The following UBR2 variants were observed in gnomAD, a reference collection of about 807,000 sequenced individuals.
UBR2 encodes ubiquitin protein ligase E3 component n-recognin 2, also known as E3 ubiquitin-protein ligase UBR2.
A neutral mutation model predicts 247.9 loss-of-function variants in UBR2; 92 were observed. The ratio of observed to expected loss-of-function variants is 0.37; its 90% CI spans 0.31 to 0.44. The LOEUF (loss-of-function observed/expected upper bound fraction) is 0.44. Among genes scored for constraint, UBR2 ranks in the 20% least tolerant of loss-of-function variants. The pLI is 1.00. For synonymous variants in UBR2, 672 were observed against 693.5 expected, an observed-to-expected ratio of 0.97 and a Z score of 0.49; for missense variants, 1,613 against 2,112.6, an observed-to-expected ratio of 0.76 and a Z score of 4.64.
chr6:42,660,131 A>G (rs1200068657), intron 30 of UBR2, among the ~76,000 whole-genome samples: 1 of 152,172 alleles, frequency 6.6e-6, no homozygotes, highest in Non-Finnish European at 1.5e-5. Context: ...AGTCTTTTCC[A>G]TCCTTCAGTA....
chr6:42,575,778 C>T (rs925503028), intron 2 of UBR2, among the ~76,000 whole-genome samples: 1 of 152,166 alleles, frequency 6.6e-6, no homozygotes, highest in Non-Finnish European at 1.5e-5. Flanking sequence ...GTCTGCAAGA[C>T]TTCTCCACTG....
intron 15 of UBR2, 45 bp downstream of exon 15, chr6:42,637,239 A>G: frequency 6.4e-7 from 1 of 1,574,056 alleles, no homozygotes; most frequent in Non-Finnish European, 8.7e-7. Flanking sequence ...TATCTTTTAA[A>G]TTGTTGTTTG....
intron 4 of UBR2, among the ~76,000 whole-genome samples, chr6:42,600,625 CA>C (rs71680032): frequency 0.37 from 39,147 of 105,796 alleles, 5,406 homozygotes; most frequent in Middle Eastern, 0.46. Flanking sequence ...GTTACTGTAG[CA>C]AAAAAAAAAA....
At chr6:42,644,673 CTT>C (rs1232660384) in intron 20 of UBR2, 137 bp downstream of exon 20, 14 of 684,056 alleles carry the variant, frequency 2.0e-5, no homozygotes, top group African/African-American at 1.8e-4. Context: ...GAATATTTCT[CTT>C]TTTCTCCCCT....
intron 2 of UBR2, among the ~76,000 whole-genome samples, chr6:42,581,899 C>T (rs1161807212): frequency 6.6e-6 from 1 of 152,130 alleles, no homozygotes; most frequent in African/African-American, 2.4e-5. Context: ...AAATATTAGG[C>T]ATTGTTATTC....
chr6:42,606,798 T>C (rs1174317107), intron 7 of UBR2, 147 bp downstream of exon 7: 3 of 634,144 alleles, frequency 4.7e-6, no homozygotes, highest in African/African-American at 1.9e-5. Flanking sequence ...TATTGCATTA[T>C]TGTTTTATCT....
Position 42,659,745 on chromosome 6 carries a change from G to A in UBR2, c.3332G>A (p.Cys1111Tyr). ...AGACAATTCGTTACATGTATATTGT[G>A]TCAAGAGGAGCAAGAAGTTAAAGTG... is the stretch of plus-strand genomic sequence containing the variant. ...EQRQFVTCILCQEEQEVKVES... is the reference protein window; with the variant it reads ...EQRQFVTCILYQEEQEVKVES... The change falls in exon 30 of 47, where the codon TGT becomes TAT. Residue 1111 changes from cysteine to tyrosine, a missense_variant. Cys to Tyr is a radical substitution (Grantham distance 194, BLOSUM62 -2). This residue lies in a region of UBR2 where 1,524 missense variants were observed against 1,967.3 expected (regional missense o/e 0.77). Coordinates refer to ENST00000372901, the MANE Select transcript of UBR2 (RefSeq NM_001363705.2). This position sits in a 1 kb window ranked among gnomAD's most constrained non-coding sequence, Gnocchi z 4.3. 2 of 1,614,142 alleles carry A rather than the reference G, an allele frequency of 1.2e-6. No homozygotes were observed. Among genetic ancestry groups the A allele is most frequent in the Non-Finnish European group, 1.7e-6 (2 of 1,180,024 alleles).
intron 1 of UBR2, among the ~76,000 whole-genome samples, chr6:42,566,507 C>T (rs772699660): frequency 2.6e-5 from 4 of 152,196 alleles, no homozygotes; most frequent in South Asian, 2.1e-4. Flanking sequence ...GCCTCAGCCT[C>T]CCGAATTACA....
At chr6:42,593,746 A>G (rs1256769046) in intron 3 of UBR2, among the ~76,000 whole-genome samples, 4 of 152,192 alleles carry the variant, frequency 2.6e-5, no homozygotes, top group South Asian at 2.1e-4. Context: ...AACTATTTCT[A>G]TAGTCTTTGT....
At chr6:42,596,770 C>T (rs1238323539) in intron 4 of UBR2, among the ~76,000 whole-genome samples, 1 of 152,054 alleles carries the variant, frequency 6.6e-6, no homozygotes, top group Non-Finnish European at 1.5e-5. Context: ...ATGAAATATT[C>T]AGAATAGGTA....
In UBR2 at chr6:42,636,640, G is replaced by A. The variant is rs79558789; in HGVS notation, c.1675-371G>A. 3.0e-3 allele frequency among the ~76,000 whole-genome samples: 451 copies of A among 152,224 alleles called. 2 individuals carry two copies. The highest frequency in any genetic ancestry group is 0.01 in the African/African-American group (430 of 41,544). Reference sequence around the variant, plus strand: ...TCTGTATGGAGAATGGATGAAGGGGGCAAGAGTCAAAGCAGGAATTTAATA... The same window carrying A: ...TCTGTATGGAGAATGGATGAAGGGGACAAGAGTCAAAGCAGGAATTTAATA... On this transcript the variant is annotated intron_variant, in intron 14 of 46. Transcript: ENST00000372901.
intron 13 of UBR2, among the ~76,000 whole-genome samples, chr6:42,633,718 T>TTTTTG (rs70990117): frequency 0.24 from 35,330 of 148,660 alleles, 4,672 homozygotes; most frequent in East Asian, 0.45. Flanking sequence ...TTTTGTTTGT[T>TTTTTG]TTTTGTTTTG....
chr6:42,647,446 A>T (rs2151963291), intron 21 of UBR2, among the ~76,000 whole-genome samples: 1 of 132,636 alleles, frequency 7.5e-6, no homozygotes, highest in South Asian at 2.5e-4. Context: ...AAAAAAAAAA[A>T]TTAGCCAGGT....
In UBR2 at chr6:42,658,765, A is replaced by G. The variant is rs766635019; in HGVS notation, c.3183A>G (p.Lys1061=). Residue 1061 remains lysine (K), a synonymous_variant, in exon 29 of 47, where the codon AAA becomes AAG. Coordinates refer to ENST00000372901, the MANE Select transcript of UBR2 (RefSeq NM_001363705.2). The part of the protein sequence containing the change: ...EMQRHFIDEN[K]ELFQQTLELD... ...AGCGGCATTTTATTGATGAAAACAA[A>G]GAACTCTTTCAGCAGACATTAGAAC... 3.1e-6 allele frequency: 5 copies of G among 1,613,592 alleles called. No individual in the cohort carries two copies. In the East Asian group the frequency reaches 6.7e-5, roughly 22 times the overall value.
intron 25 of UBR2, among the ~76,000 whole-genome samples, chr6:42,653,467 T>C (rs1188314889): frequency 6.6e-6 from 1 of 152,138 alleles, no homozygotes; most frequent in Non-Finnish European, 1.5e-5. Flanking sequence ...CATGAATAGA[T>C]ACAACTTTTT....
intron 28 of UBR2, 102 bp downstream of exon 28, chr6:42,658,422 T>A: frequency 1.6e-6 from 2 of 1,218,196 alleles, no homozygotes; most frequent in Non-Finnish European, 2.3e-6. Context: ...TCACAACATT[T>A]AAATTCCAAG....
intron 13 of UBR2, chr6:42,634,415 G>C (rs1441044818): frequency 1.7e-5 from 3 of 176,918 alleles, no homozygotes; most frequent in Non-Finnish European, 3.7e-5. Flanking sequence ...GACCAAAGTT[G>C]ACTTACCATT....
intron 11 of UBR2, among the ~76,000 whole-genome samples, chr6:42,626,519 C>CA (rs1795357773): frequency 6.6e-6 from 1 of 152,142 alleles, no homozygotes; most frequent in Non-Finnish European, 1.5e-5. Context: ...ATCCTTATGC[C>CA]AAAGTGGCAT....
intron 40 of UBR2, 74 bp from the exon 41 acceptor site, chr6:42,678,465 A>G (rs1220367491): frequency 9.4e-6 from 14 of 1,486,750 alleles, no homozygotes; most frequent in Non-Finnish European, 1.3e-5. Context: ...ATGACAGTCA[A>G]GTCTGTTTTC....
Sources: gnomAD v4.1 joint callset for allele counts (sites outside exome capture counted in the v4.1 genomes callset) on GRCh38, gnomAD v4.1.1 for gene constraint, gnomAD v4.1.1 regional missense constraint, Gnocchi (gnomAD v3.1) non-coding constraint, MANE v1.5 for transcripts, NCBI Gene and HGNC (gene_info 2026-07-23, HGNC 2026-07-21) for gene names.